The following SFXN2 variants were observed in gnomAD, a reference collection of about 807,000 sequenced individuals.
The protein encoded by SFXN2 is sideroflexin 2.
SFXN2 carries 37 observed loss-of-function variants against 41.9 expected under a neutral mutation model. The ratio of observed to expected loss-of-function variants is 0.88; its 90% CI spans 0.68 to 1.16. The LOEUF is 1.16. SFXN2 is among the 50% of genes most tolerant of loss of function. The pLI, the probability that SFXN2 is intolerant of heterozygous loss-of-function variation, is 0.00. For missense variants in SFXN2, 386 were observed against 425.2 expected (o/e 0.91, Z 0.81); for synonymous variants, 150 against 156.7 (o/e 0.96, Z 0.32).
At chr10:102,728,577 CT>C (rs773177410) in intron 4 of SFXN2, 48 bp downstream of exon 4, 8 of 1,549,754 alleles carry the variant, frequency 5.2e-6, no homozygotes, top group Non-Finnish European at 5.3e-6. Flanking sequence ...CCACGAACAG[CT>C]TTTCTAAAGG....
intron 1 of SFXN2, among the ~76,000 whole-genome samples, chr10:102,725,708 C>G (rs1332102628): frequency 6.6e-6 from 1 of 151,900 alleles, no homozygotes; most frequent in African/African-American, 2.4e-5. Context: ...GCCTGGGCAA[C>G]ATAGCGAGGT....
Position 102,737,694 on chromosome 10 carries a change from C to T in SFXN2, c.901C>T (p.Leu301Phe). ...GCCAGTTTCCTATCTGGAACCGAAG[C>T]TCCAAGACACTATCAAGGCCAAGTA... ...ELPVSYLEPKLQDTIKAKYGE... is the reference protein window; with the variant it reads ...ELPVSYLEPKFQDTIKAKYGE... The change falls in exon 12 of 12, where the codon CTC (leucine) becomes TTC (phenylalanine). Residue 301 changes from leucine (L) to phenylalanine (F), a missense_variant. Leu to Phe is a conservative substitution (Grantham distance 22). Transcript: ENST00000369893. The T allele has an allele frequency of 6.2e-7, 1 of 1,613,126 alleles. No homozygotes were observed. Among genetic ancestry groups the T allele is most frequent in the Non-Finnish European group, 8.5e-7 (1 of 1,179,234 alleles).
rs1432198076 is a variant in SFXN2 at position 102,739,111 on chromosome 10, T to C, written c.*1349T>C. Reference sequence around the variant, plus strand: ...CAATGTGTGTATGAGTTTTGTCTGGTAGGATTGCTGACTCTGTCCAACAGA... The same window carrying C: ...CAATGTGTGTATGAGTTTTGTCTGGCAGGATTGCTGACTCTGTCCAACAGA... On this transcript the variant is annotated 3_prime_UTR_variant, in exon 12 of 12. Transcript: ENST00000369893. 2 of 152,260 alleles carry C rather than the reference T, an allele frequency of 1.3e-5. No individual in the cohort carries two copies. The highest frequency in any genetic ancestry group is 2.9e-5 in the Non-Finnish European group (2 of 68,040). The allele number at this position is 152,260 out of a possible 1,614,324, so 9.4% of individuals were successfully genotyped here. A position where few individuals can be genotyped will look rare whatever the true frequency, so the allele number is the denominator to read the frequency against.
chr10:102,723,842 T>C (rs2064548759), intron 1 of SFXN2, among the ~76,000 whole-genome samples: 1 of 152,218 alleles, frequency 6.6e-6, no homozygotes, highest in Admixed American at 6.5e-5. Context: ...TTTTAACTTT[T>C]ACTTTAGATT....
rs969001636 is a variant in SFXN2 at position 102,743,378 on chromosome 10, C to G, written c.*5616C>G. The G allele has an allele frequency of 6.6e-6, 1 of 152,218 alleles. No homozygotes were observed. The highest frequency in any genetic ancestry group is 1.9e-4 in the East Asian group (1 of 5,200). 9.4% of individuals were successfully genotyped at this position (152,218 alleles called of 1,614,324 possible). On this transcript the variant is annotated 3_prime_UTR_variant, in exon 12 of 12. Coordinates refer to ENST00000369893, the MANE Select transcript of SFXN2 (RefSeq NM_178858.6). ...ATGCCTCAGATAAAGGTACTATCTTCTAGGGAATTCAAACGGACCTAAGCT... is the reference window on the plus strand; with the variant it reads ...ATGCCTCAGATAAAGGTACTATCTTGTAGGGAATTCAAACGGACCTAAGCT...
intron 11 of SFXN2, among the ~76,000 whole-genome samples, 176 bp downstream of exon 11, chr10:102,736,085 G>A (rs1002422859): frequency 6.6e-6 from 1 of 152,070 alleles, no homozygotes; most frequent in Non-Finnish European, 1.5e-5. Context: ...TCTGACAAAC[G>A]AAAACAGATC....
chr10:102,724,643 A>G (rs2064562716), intron 1 of SFXN2, among the ~76,000 whole-genome samples: 1 of 152,040 alleles, frequency 6.6e-6, no homozygotes, highest in East Asian at 1.9e-4. Context: ...CAGAGGTTGA[A>G]GTGAGCCGAG....
rs1194002455 is a variant in SFXN2, at chr10:102,738,602, A to G, written c.*840A>G. The stretch of plus-strand genomic sequence containing the variant: ...ATGAGCCACCACACCCAGCCCGGAC[A>G]GCTTCTTTGGGAGTGCTGCTAACCT... On this transcript the variant is annotated 3_prime_UTR_variant, in exon 12 of 12. Coordinates refer to ENST00000369893, the MANE Select transcript of SFXN2 (RefSeq NM_178858.6). The G allele has an allele frequency of 6.6e-6, 1 of 152,112 alleles. No homozygotes were observed. Among genetic ancestry groups the G allele is most frequent in the Non-Finnish European group, 1.5e-5 (1 of 68,042 alleles). The allele number at this position is 152,112 out of a possible 1,614,324, so 9.4% of individuals were successfully genotyped here.
rs1590145150 is a variant in SFXN2, at chr10:102,726,532, C to T, written c.-25-80C>T. On this transcript the variant is annotated intron_variant, in intron 1 of 11. Coordinates refer to ENST00000369893, the MANE Select transcript of SFXN2 (RefSeq NM_178858.6). ...CCAGTAGCTGGTGAGAGCAGGCAGT[C>T]TGCAACAGTGGGACGTGCTCAGGTC... is the stretch of plus-strand genomic sequence containing the variant. 23 of 1,449,002 alleles carry T rather than the reference C, an allele frequency of 1.6e-5. No homozygotes were observed. The East Asian group carries it at 5.0e-4, about 32-fold the overall frequency. The allele number at this position is 1,449,002 out of a possible 1,614,324, so 89.8% of individuals were successfully genotyped here.
At position 102,739,648 on chromosome 10, in the gene SFXN2, A is replaced by C. The variant is rs1174635485; in HGVS notation, c.*1886A>C. 1 of 152,254 alleles carries C rather than the reference A, an allele frequency of 6.6e-6. No individual in the cohort carries two copies. The highest frequency in any genetic ancestry group is 1.5e-5 in the Non-Finnish European group (1 of 68,072). 9.4% of individuals were successfully genotyped at this position (152,254 alleles called of 1,614,324 possible). ...ATGCATCAACCGGGCGCAGTGGCTCATGCCTGTAATCCCCACACTTTGGGA... is the reference window on the plus strand; with the variant it reads ...ATGCATCAACCGGGCGCAGTGGCTCCTGCCTGTAATCCCCACACTTTGGGA... On this transcript the variant is annotated 3_prime_UTR_variant, in exon 12 of 12. Transcript: ENST00000369893.
At chr10:102,716,012 TTCAGAGCCTTGACTAAGGAGG>T (rs2064406223) in intron 1 of SFXN2, among the ~76,000 whole-genome samples, 1 of 151,620 alleles carries the variant, frequency 6.6e-6, no homozygotes, top group East Asian at 1.9e-4. Context: ...GAAAAAGCAG[TTCAGAGCCTTGACTAAGGAGG>T]TGATGAATGG....
chr10:102,735,785 C>T, intron 10 of SFXN2, 77 bp from the exon 11 acceptor site: 1 of 1,503,924 alleles, frequency 6.6e-7, no homozygotes. Flanking sequence ...GGGCATTGCT[C>T]CTTTCCCTTG....
At chr10:102,723,295 A>AG (rs1366764997) in intron 1 of SFXN2, among the ~76,000 whole-genome samples, 1 of 150,266 alleles carries the variant, frequency 6.7e-6, no homozygotes, top group East Asian at 2.0e-4. Context: ...TCTGTCACCC[A>AG]GGCTTGAGTG....
At position 102,726,616 on chromosome 10, in the gene SFXN2, A is replaced by G. The variant is rs1161472079; in HGVS notation, c.-21A>G. On this transcript the variant is annotated 5_prime_UTR_variant, in exon 2 of 12. Coordinates refer to ENST00000369893, the MANE Select transcript of SFXN2 (RefSeq NM_178858.6). ...TCTTCTTCCTTTGTCCCTTAGGTCCACAGTTTTATGTGTGAGCAAGATGGA... is the reference window on the plus strand; with the variant it reads ...TCTTCTTCCTTTGTCCCTTAGGTCCGCAGTTTTATGTGTGAGCAAGATGGA... 1 of 1,613,768 alleles carries G rather than the reference A, an allele frequency of 6.2e-7. No individual in the cohort carries two copies.
chr10:102,723,313 G>A (rs952491503), intron 1 of SFXN2, among the ~76,000 whole-genome samples: 3 of 150,134 alleles, frequency 2.0e-5, no homozygotes, highest in Non-Finnish European at 4.4e-5. Context: ...GTGCAGTGGC[G>A]TGATCTCGGC....
chr10:102,732,283 C>A, intron 8 of SFXN2, 65 bp downstream of exon 8: 1 of 1,481,142 alleles, frequency 6.8e-7, no homozygotes, highest in South Asian at 1.2e-5. Context: ...CTCAGCCACA[C>A]TCAGCTTTTG....
At chr10:102,726,457 C>A in intron 1 of SFXN2, 155 bp from the exon 2 acceptor site, 1 of 696,132 alleles carries the variant, frequency 1.4e-6, no homozygotes, top group East Asian at 2.7e-5. Flanking sequence ...CCCAGTTGCT[C>A]AATCTGATGA....
chr10:102,731,767 A>G lies in SFXN2; in HGVS notation c.638A>G (p.Glu213Gly). ...GICVKDRNEN[E>G]IGHSRRAAAI... Reference sequence around the variant, plus strand: ...TGCGTGAAGGACAGGAATGAAAATGAGATTGGTCATTCCCGGGTGAGCAGA... The same window carrying G: ...TGCGTGAAGGACAGGAATGAAAATGGGATTGGTCATTCCCGGGTGAGCAGA... The change falls in exon 7 of 12, where the codon GAG becomes GGG. Residue 213 changes from glutamate (E) to glycine (G), a missense_variant. By Grantham distance (98) the Glu-to-Gly change is moderately conservative. Coordinates refer to ENST00000369893, the MANE Select transcript of SFXN2 (RefSeq NM_178858.6). 1 of 1,613,952 alleles carries G rather than the reference A, an allele frequency of 6.2e-7. No individual in the cohort carries two copies. Among genetic ancestry groups the G allele is most frequent in the Non-Finnish European group, 8.5e-7 (1 of 1,179,868 alleles).
In SFXN2 at chr10:102,734,177, G is replaced by A. The variant is rs773206555; in HGVS notation, c.821+574G>A. On this transcript the variant is annotated intron_variant, in intron 10 of 11. Transcript: ENST00000369893. This position sits in a 1 kb window ranked among gnomAD's most constrained non-coding sequence, Gnocchi z 4.1. ...GAGCCACTGCGCCTGGCTGTCTGGA[G>A]CAGTTTTACAGAAGAGATAAGAACG... is the stretch of plus-strand genomic sequence containing the variant. Among the ~76,000 whole-genome samples the A allele has an allele frequency of 6.6e-6, 1 of 152,160 alleles. No homozygotes were observed. The highest frequency in any genetic ancestry group is 1.5e-5 in the Non-Finnish European group (1 of 68,030).
Sources: gnomAD v4.1 joint callset for allele counts (sites outside exome capture counted in the v4.1 genomes callset) on GRCh38, gnomAD v4.1.1 for gene constraint, Gnocchi (gnomAD v3.1) non-coding constraint, MANE v1.5 for transcripts, NCBI Gene and HGNC (gene_info 2026-07-23, HGNC 2026-07-21) for gene names.